WWC1: variants seen among roughly 807,000 people sequenced by gnomAD.
WWC1 encodes protein KIBRA.
Under a neutral mutation model 138.4 loss-of-function variants are expected in WWC1, and 55 were observed. The observed-to-expected ratio is 0.40, with a 90% CI of 0.32 to 0.50. The LOEUF is 0.50. Ranked by LOEUF, WWC1 falls within the 20% of genes least tolerant of loss-of-function variation. The probability of loss-of-function intolerance (pLI) is 0.72; values close to 1 mark genes in which losing one functional copy is unlikely to be tolerated. For missense variants in WWC1, 1,226 were observed against 1,420.4 expected (o/e 0.86, Z 2.20); for synonymous variants, 524 against 564.9 (o/e 0.93, Z 1.03).
At chr5:168,444,402 G>A in intron 16 of WWC1, 92 bp from the exon 17 acceptor site, 2 of 1,272,776 alleles carry the variant, frequency 1.6e-6, no homozygotes, top group Admixed American at 2.2e-5. Context: ...TCAATTCACT[G>A]GGAGGGTCAC....
intron 1 of WWC1, among the ~76,000 whole-genome samples, chr5:168,318,059 A>AT (rs79300119): frequency 7.2e-4 from 105 of 146,520 alleles, no homozygotes; most frequent in East Asian, 2.4e-3. Context: ...ATAAAGTATG[A>AT]TTTTTTTTTT....
At chr5:168,312,531 G>A (rs555785061) in intron 1 of WWC1, among the ~76,000 whole-genome samples, 17 of 152,360 alleles carry the variant, frequency 1.1e-4, no homozygotes, top group African/African-American at 4.1e-4. Context: ...AAGGCATTTA[G>A]CAGAGAAGCA....
intron 17 of WWC1, among the ~76,000 whole-genome samples, chr5:168,451,727 A>G (rs1352424820): frequency 6.6e-6 from 1 of 152,148 alleles, no homozygotes; most frequent in East Asian, 1.9e-4. Flanking sequence ...CAAAGAAAGA[A>G]AAAAGAAGAA....
intron 1 of WWC1, among the ~76,000 whole-genome samples, chr5:168,295,922 G>A (rs984476692): frequency 6.6e-6 from 1 of 152,148 alleles, no homozygotes; most frequent in South Asian, 2.1e-4. Flanking sequence ...CTGCCCACTG[G>A]GCCAAAGGCT....
rs542025217 is a variant in WWC1, at chr5:168,381,147, G to A, written c.230-4064G>A. On this transcript the variant is annotated intron_variant, in intron 2 of 22. Transcript: ENST00000265293. ...GTTTGTGTGTTGTTTTTGTCTGTTC[G>A]TGCACCCATCTATTCTTATTGGTTT... 3.9e-5 allele frequency among the ~76,000 whole-genome samples: 6 copies of A among 152,172 alleles called. No individual in the cohort carries two copies. The East Asian group carries it at 5.8e-4, about 15-fold the overall frequency.
chr5:168,409,364 G>C (rs139829290), intron 7 of WWC1, among the ~76,000 whole-genome samples: 1 of 152,176 alleles, frequency 6.6e-6, no homozygotes, highest in Non-Finnish European at 1.5e-5. Context: ...GCTCTTAACA[G>C]ACTAGCACAG....
chr5:168,381,166 T>A (rs368388168), intron 2 of WWC1, among the ~76,000 whole-genome samples: 1 of 152,168 alleles, frequency 6.6e-6, no homozygotes, highest in Non-Finnish European at 1.5e-5. Context: ...TCTATTCTTA[T>A]TGGTTTACAA....
Position 168,299,971 on chromosome 5 carries a change from C to T in WWC1, c.119+7700C>T, listed in dbSNP as rs143999138. Among the ~76,000 whole-genome samples, 120 of 152,282 alleles carry T rather than the reference C, an allele frequency of 7.9e-4. 1 individual carries two copies. Among genetic ancestry groups the T allele is most frequent in the Middle Eastern group, 3.4e-3 (1 of 294 alleles). On this transcript the variant is annotated intron_variant, in intron 1 of 22. Coordinates refer to ENST00000265293, the MANE Select transcript of WWC1 (RefSeq NM_015238.3). ...CAAGGGGCCCTGGATAAGAGGAATC[C>T]ACTTCACTTGGAGAAGTGGCCTGGT...
At chr5:168,397,384 C>T (rs1398389963) in intron 3 of WWC1, among the ~76,000 whole-genome samples, 1 of 152,278 alleles carries the variant, frequency 6.6e-6, no homozygotes, top group Non-Finnish European at 1.5e-5. Flanking sequence ...TTCAGGTGAT[C>T]CCCCTGCCTC....
chr5:168,400,110 A>G (rs76230561), intron 5 of WWC1, among the ~76,000 whole-genome samples: 1,722 of 152,178 alleles, frequency 0.011, 27 homozygotes, highest in East Asian at 0.026. Context: ...CACCAAATGT[A>G]ATTTTCACCC....
intron 11 of WWC1, among the ~76,000 whole-genome samples, chr5:168,427,056 A>T (rs1582259722): frequency 6.6e-6 from 1 of 152,228 alleles, no homozygotes; most frequent in East Asian, 1.9e-4. Flanking sequence ...GAGGAGCTGA[A>T]TTCGGAGTGG....
chr5:168,359,897 G>A (rs1210594246), intron 1 of WWC1, among the ~76,000 whole-genome samples: 1 of 152,042 alleles, frequency 6.6e-6, no homozygotes. Flanking sequence ...TTGTTATAAA[G>A]ACCCACAAAA....
chr5:168,398,712 C>T (rs973926263), intron 4 of WWC1, among the ~76,000 whole-genome samples: 2 of 152,154 alleles, frequency 1.3e-5, no homozygotes, highest in African/African-American at 2.4e-5. Context: ...ACTCAGATGC[C>T]TGCAAGAAGA....
intron 1 of WWC1, among the ~76,000 whole-genome samples, chr5:168,299,872 C>T (rs4976589): frequency 0.24 from 37,215 of 151,962 alleles, 5,496 homozygotes; most frequent in East Asian, 0.72. Context: ...AGGTGGCTGT[C>T]CATGACGTGT....
At chr5:168,355,418 C>T (rs1304253508) in intron 1 of WWC1, among the ~76,000 whole-genome samples, 4 of 147,138 alleles carry the variant, frequency 2.7e-5, no homozygotes, top group South Asian at 2.2e-4. Flanking sequence ...CTCTTGAACC[C>T]GGGAGGTAAA....
intron 1 of WWC1, among the ~76,000 whole-genome samples, chr5:168,328,963 A>C (rs937139451): frequency 6.6e-6 from 1 of 152,092 alleles, no homozygotes; most frequent in South Asian, 2.1e-4. Context: ...TCTGGGCTCC[A>C]CCCCTCATCC....
intron 17 of WWC1, among the ~76,000 whole-genome samples, chr5:168,447,571 A>G (rs1011235736): frequency 3.3e-5 from 5 of 152,198 alleles, no homozygotes; most frequent in Non-Finnish European, 5.9e-5. Flanking sequence ...TAAAATATAA[A>G]AACCATTCAT....
At chr5:168,442,881 A>G (rs1190401955) in intron 16 of WWC1, among the ~76,000 whole-genome samples, 1 of 151,726 alleles carries the variant, frequency 6.6e-6, no homozygotes, top group African/African-American at 2.4e-5. Flanking sequence ...ATATTTGCTT[A>G]TTTTCAGTGA....
intron 1 of WWC1, among the ~76,000 whole-genome samples, chr5:168,356,200 T>A (rs147570935): frequency 3.9e-5 from 6 of 152,360 alleles, no homozygotes; most frequent in Non-Finnish European, 5.9e-5. Context: ...CTAGATTCAT[T>A]ACGTCGCTGA....
Sources: allele counts gnomAD v4.1 joint callset (sites outside exome capture counted in the v4.1 genomes callset), GRCh38; gene constraint gnomAD v4.1.1; transcripts MANE v1.5; gene names NCBI Gene and HGNC (gene_info 2026-07-23, HGNC 2026-07-21).